Variants in PTBP3 observed in about 807,000 individuals in gnomAD.
PTBP3 encodes the protein polypyrimidine tract-binding protein 3.
PTBP3 carries 20 observed loss-of-function variants against 58.7 expected under a neutral mutation model. That is an observed-to-expected ratio of 0.34 (90% CI 0.24 to 0.50). The LOEUF is 0.50. Ranked by LOEUF, PTBP3 falls within the 20% of genes least tolerant of loss-of-function variation. The pLI is 0.98. For missense variants in PTBP3, 509 were observed against 637.2 expected (o/e 0.80, Z 2.17); for synonymous variants, 185 against 219.8 (o/e 0.84, Z 1.40).
the PTBP3 span, among the ~76,000 whole-genome samples, chr9:112,368,228 T>C: frequency 6.6e-6 from 1 of 152,210 alleles, no homozygotes; most frequent in African/African-American, 2.4e-5. Context: ...TGGAGTACAA[T>C]GGTGCAACCT....
chr9:112,232,497 G>A (rs960820644), intron 8 of PTBP3, among the ~76,000 whole-genome samples: 2 of 152,008 alleles, frequency 1.3e-5, no homozygotes, highest in Non-Finnish European at 2.9e-5. Context: ...TGGGCCTAAC[G>A]CTATTAGGCT....
upstream of PTBP3, among the ~76,000 whole-genome samples, chr9:112,336,517 A>G (rs1325770822): frequency 2.4e-5 from 1 of 40,856 alleles, no homozygotes; most frequent in Admixed American, 2.7e-4. Context: ...ATGGTGGCTC[A>G]CACCTGTAAA....
At chr9:112,275,162 A>G (rs1466906742) in intron 3 of PTBP3, among the ~76,000 whole-genome samples, 1 of 148,178 alleles carries the variant, frequency 6.7e-6, no homozygotes, top group Non-Finnish European at 1.5e-5. Context: ...GTGAGATGAG[A>G]TTTACTCTTG....
the PTBP3 span, among the ~76,000 whole-genome samples, chr9:112,363,615 T>C: frequency 1.3e-5 from 2 of 151,256 alleles, no homozygotes; most frequent in African/African-American, 4.9e-5. Flanking sequence ...CAATAGAGCA[T>C]AAGTGTATCA....
At chr9:112,254,711 A>T (rs1389025437) in intron 5 of PTBP3, among the ~76,000 whole-genome samples, 2 of 152,232 alleles carry the variant, frequency 1.3e-5, no homozygotes, top group African/African-American at 2.4e-5. Context: ...AAAATTTTTT[A>T]AAACCCATAA....
At position 112,308,889 on chromosome 9, in the gene PTBP3, T is replaced by C. The variant is rs188596097; in HGVS notation, c.-51-10973A>G. On this transcript the variant is annotated intron_variant, in intron 1 of 13. Coordinates refer to ENST00000374257, the MANE Select transcript of PTBP3 (RefSeq NM_001163788.4). ...CAGCTTTACTGGCTCAAGTATCAAT[T>C]ACTGAAGCTCTCGCCTGCTGATGCA... Among the ~76,000 whole-genome samples, 301 of 152,308 alleles carry C rather than the reference T, an allele frequency of 2.0e-3. 5 individuals are homozygous for C. The highest frequency in any genetic ancestry group is 4.4e-4 in the Non-Finnish European group (30 of 68,026).
At chr9:112,351,349 T>C in the PTBP3 span, among the ~76,000 whole-genome samples, 8,532 of 152,232 alleles carry the variant, frequency 0.056, 665 homozygotes, top group African/African-American at 0.17. Flanking sequence ...GGTTATATGT[T>C]TTTGGGAGAA....
chr9:112,298,114 A>G (rs1005443172), intron 1 of PTBP3, among the ~76,000 whole-genome samples, 198 bp from the exon 2 acceptor site: 2 of 152,214 alleles, frequency 1.3e-5, no homozygotes, highest in African/African-American at 4.8e-5. Context: ...TATAAACACA[A>G]CTGCCACCAC....
At chr9:112,353,771 C>T in the PTBP3 span, among the ~76,000 whole-genome samples, 3 of 151,826 alleles carry the variant, frequency 2.0e-5, no homozygotes, top group African/African-American at 7.3e-5. Flanking sequence ...GCCTGGCCAA[C>T]ATGGTGAAAC....
the PTBP3 span, among the ~76,000 whole-genome samples, chr9:112,376,393 A>G: frequency 2.4e-4 from 36 of 150,660 alleles, no homozygotes; most frequent in Non-Finnish European, 1.2e-4. Context: ...AGCTGGGACT[A>G]CAGGTGTGTG....
intron 1 of PTBP3, chr9:112,332,842 A>G (rs1830432505): frequency 1.2e-6 from 2 of 1,612,494 alleles, no homozygotes; most frequent in Non-Finnish European, 1.7e-6. Context: ...GGAAGCGTCC[A>G]TGGTCACTAA....
chr9:112,351,548 T>G, the PTBP3 span, among the ~76,000 whole-genome samples: 23 of 152,198 alleles, frequency 1.5e-4, no homozygotes, highest in Non-Finnish European at 2.8e-4. Flanking sequence ...CAGCCCACAC[T>G]TAAGGAATGG....
the PTBP3 span, among the ~76,000 whole-genome samples, chr9:112,339,290 C>CAAAAAAA: frequency 2.9e-4 from 21 of 71,700 alleles, 1 homozygote; most frequent in East Asian, 1.4e-3. Flanking sequence ...GACTCTGTCT[C>CAAAAAAA]AAAAAAAAAA....
intron 3 of PTBP3, among the ~76,000 whole-genome samples, chr9:112,271,769 T>C (rs932173515): frequency 6.6e-6 from 1 of 151,708 alleles, no homozygotes; most frequent in Admixed American, 6.6e-5. Context: ...AAAAAGAAAA[T>C]AGTTTATAAT....
chr9:112,293,143 T>C (rs567389273), intron 2 of PTBP3, among the ~76,000 whole-genome samples: 4 of 152,318 alleles, frequency 2.6e-5, no homozygotes, highest in African/African-American at 7.2e-5. Flanking sequence ...CGATATACTA[T>C]ATTTATTGGC....
intron 2 of PTBP3, among the ~76,000 whole-genome samples, chr9:112,284,958 G>C (rs1258841410): frequency 4.6e-5 from 2 of 43,412 alleles, no homozygotes; most frequent in Non-Finnish European, 7.8e-5. Flanking sequence ...GGACTTTTGG[G>C]TTATGTTGGA....
intron 1 of PTBP3, among the ~76,000 whole-genome samples, chr9:112,303,867 C>A (rs1829053992): frequency 7.2e-6 from 1 of 139,672 alleles, no homozygotes; most frequent in African/African-American, 2.7e-5. Context: ...CCGTCTCAAT[C>A]AATCAATCAA....
chr9:112,275,769 C>A, intron 3 of PTBP3, 75 bp downstream of exon 3: 1 of 1,320,582 alleles, frequency 7.6e-7, no homozygotes, highest in Non-Finnish European at 1.0e-6. Context: ...CAGAAAAGCT[C>A]AAGAAAATAA....
chr9:112,285,948 G>A (rs1356017296), intron 2 of PTBP3, among the ~76,000 whole-genome samples: 1 of 152,044 alleles, frequency 6.6e-6, no homozygotes, highest in Admixed American at 6.5e-5. Flanking sequence ...TTTCTGTTTT[G>A]TTCTATTAGT....
Sources: gnomAD v4.1 joint callset for allele counts (sites outside exome capture counted in the v4.1 genomes callset) on GRCh38, gnomAD v4.1.1 for gene constraint, MANE v1.5 for transcripts, NCBI Gene and HGNC (gene_info 2026-07-23, HGNC 2026-07-21) for gene names.